PLXDC2: variants seen among roughly 807,000 people sequenced by gnomAD.
PLXDC2 encodes the protein plexin domain-containing protein 2.
PLXDC2 carries 40 observed loss-of-function variants against 68.9 expected under a neutral mutation model. The observed-to-expected ratio is 0.58, with a 90% CI of 0.45 to 0.76. The LOEUF (loss-of-function observed/expected upper bound fraction) is 0.76. Among genes scored for constraint, PLXDC2 ranks in the 30% least tolerant of loss-of-function variants. PLXDC2 has a pLI of 0.00. For synonymous variants in PLXDC2, 243 were observed against 234.2 expected, an observed-to-expected ratio of 1.04 and a Z score of -0.34; for missense variants, 644 against 661.9, an observed-to-expected ratio of 0.97 and a Z score of 0.30.
Position 19,878,855 on chromosome 10 carries a change from G to T in PLXDC2, c.112+61664G>T, listed in dbSNP as rs986041787. 1.3e-4 allele frequency among the ~76,000 whole-genome samples: 20 copies of T among 152,166 alleles called. 1 individual carries two copies. ...ACTGTGGCTTTTTCTGGGTGTCATAGTATTTTAAAATGGCTTTCGTTAGCC... is the reference window on the plus strand; with the variant it reads ...ACTGTGGCTTTTTCTGGGTGTCATATTATTTTAAAATGGCTTTCGTTAGCC... On this transcript the variant is annotated intron_variant, in intron 1 of 13. Transcript: ENST00000377252.
chr10:19,908,873 G>A (rs1374968988), intron 1 of PLXDC2, among the ~76,000 whole-genome samples: 2 of 152,078 alleles, frequency 1.3e-5, no homozygotes, highest in Admixed American at 1.3e-4. Context: ...ATGAGAAGGC[G>A]ACCTTGCTTT....
At chr10:20,000,014 A>G (rs1404633925) in intron 1 of PLXDC2, among the ~76,000 whole-genome samples, 1 of 152,166 alleles carries the variant, frequency 6.6e-6, no homozygotes, top group East Asian at 1.9e-4. Context: ...CTTGCACAGT[A>G]GTTTTTTCAT....
chr10:20,003,315 T>C (rs749818383), intron 2 of PLXDC2, among the ~76,000 whole-genome samples: 4 of 152,112 alleles, frequency 2.6e-5, no homozygotes, highest in Admixed American at 6.5e-5. Context: ...AGCAGAGATA[T>C]AAAGGCAGCT....
chr10:20,253,018 T>TA lies in PLXDC2; in HGVS notation c.1473+7521dup, dbSNP rs199602844. The stretch of plus-strand genomic sequence containing the variant: ...TATGGAGCTCTAGATACAGATTAGT[T>TA]AAAAAAAATTAAATAAAGTAAATAA... On this transcript the variant is annotated intron_variant, in intron 13 of 13. Transcript: ENST00000377252. 2.9e-3 allele frequency among the ~76,000 whole-genome samples: 442 copies of TA among 151,782 alleles called. 1 individual carries two copies. The highest frequency in any genetic ancestry group is 0.011 in the East Asian group (58 of 5,162).
intron 13 of PLXDC2, among the ~76,000 whole-genome samples, chr10:20,271,324 C>T (rs531636211): frequency 1.1e-4 from 16 of 152,134 alleles, no homozygotes; most frequent in Admixed American, 1.3e-4. Context: ...AGTTTTAAAG[C>T]GGGGAGCAGG....
intron 1 of PLXDC2, among the ~76,000 whole-genome samples, chr10:19,895,566 T>C (rs1426994044): frequency 6.6e-6 from 1 of 152,242 alleles, no homozygotes; most frequent in Non-Finnish European, 1.5e-5. Context: ...ATTCTTCATT[T>C]GAAATCACTG....
intron 1 of PLXDC2, among the ~76,000 whole-genome samples, chr10:19,915,049 A>C (rs771725888): frequency 6.6e-6 from 1 of 151,980 alleles, no homozygotes; most frequent in Non-Finnish European, 1.5e-5. Context: ...TTGATGAGTC[A>C]TTTTTTTTAA....
At position 20,217,319 on chromosome 10, in the gene PLXDC2, C is replaced by A. The variant is rs559940622; in HGVS notation, c.1123-107C>A. 13 of 958,378 alleles carry A rather than the reference C, an allele frequency of 1.4e-5. No individual in the cohort carries two copies. In the East Asian group the frequency reaches 3.5e-4, roughly 26 times the overall value. 59.4% of individuals were successfully genotyped at this position (958,378 alleles called of 1,614,324 possible). On this transcript the variant is annotated intron_variant, in intron 10 of 13. Transcript: ENST00000377252. The stretch of plus-strand genomic sequence containing the variant: ...TGTACAAAAGTAATTTATTCCTTGT[C>A]TTGATATGAGAGGCTTTTGTGCTTT...
intron 1 of PLXDC2, among the ~76,000 whole-genome samples, chr10:19,904,628 C>A (rs2131369877): frequency 6.6e-6 from 1 of 152,280 alleles, no homozygotes; most frequent in South Asian, 2.1e-4. Flanking sequence ...TAGCAGTGAT[C>A]CAGTTCCTTC....
intron 1 of PLXDC2, among the ~76,000 whole-genome samples, chr10:19,963,771 G>A (rs1381739100): frequency 6.6e-6 from 1 of 151,874 alleles, no homozygotes; most frequent in Non-Finnish European, 1.5e-5. Context: ...CACCAACATG[G>A]CACATGTATA....
At chr10:20,078,889 T>A (rs1005107634) in intron 4 of PLXDC2, among the ~76,000 whole-genome samples, 1 of 152,166 alleles carries the variant, frequency 6.6e-6, no homozygotes, top group Admixed American at 6.5e-5. Context: ...TGAAATATAT[T>A]ATTTAAATTA....
chr10:20,156,703 A>T (rs1249321015), intron 6 of PLXDC2, among the ~76,000 whole-genome samples: 1 of 152,168 alleles, frequency 6.6e-6, no homozygotes, highest in African/African-American at 2.4e-5. Flanking sequence ...TCGTTTGATG[A>T]TAGCTCACCT....
At chr10:19,820,575 A>G (rs1836446108) in intron 1 of PLXDC2, among the ~76,000 whole-genome samples, 2 of 150,804 alleles carry the variant, frequency 1.3e-5, no homozygotes, top group East Asian at 1.9e-4. Flanking sequence ...CGGAGCTTGC[A>G]GTGAGCCGAG....
At chr10:20,093,609 T>C (rs1158875643) in intron 4 of PLXDC2, among the ~76,000 whole-genome samples, 1 of 152,198 alleles carries the variant, frequency 6.6e-6, no homozygotes, top group Non-Finnish European at 1.5e-5. Flanking sequence ...AAAGTTAGTT[T>C]ATACGTAAGT....
At chr10:20,086,693 C>T (rs1833201843) in intron 4 of PLXDC2, among the ~76,000 whole-genome samples, 1 of 152,106 alleles carries the variant, frequency 6.6e-6, no homozygotes, top group African/African-American at 2.4e-5. Context: ...TCTTTTTCCT[C>T]CCCTTCGAGA....
In PLXDC2 at chr10:20,241,574, C is replaced by T. The variant is rs915177008; in HGVS notation, c.1313-3771C>T. On this transcript the variant is annotated intron_variant, in intron 12 of 13. Transcript: ENST00000377252. Reference sequence around the variant, plus strand: ...GCTGAGGCAGGAGGAATGCTTGAGCCCAGGAGTTCAAAATGAGCCTGGGCA... The same window carrying T: ...GCTGAGGCAGGAGGAATGCTTGAGCTCAGGAGTTCAAAATGAGCCTGGGCA... Among the ~76,000 whole-genome samples, 4 of 152,140 alleles carry T rather than the reference C, an allele frequency of 2.6e-5. No individual in the cohort carries two copies. The South Asian group carries it at 8.3e-4, about 32-fold the overall frequency.
chr10:19,852,306 G>A (rs1837132636), intron 1 of PLXDC2, among the ~76,000 whole-genome samples: 1 of 151,416 alleles, frequency 6.6e-6, no homozygotes, highest in Non-Finnish European at 1.5e-5. Flanking sequence ...AGGATCCCTT[G>A]AGCCTAGGAG....
At chr10:19,914,893 G>GT (rs1156398905) in intron 1 of PLXDC2, among the ~76,000 whole-genome samples, 9 of 152,110 alleles carry the variant, frequency 5.9e-5, no homozygotes, top group Admixed American at 5.9e-4. Flanking sequence ...TTGGTCTGAA[G>GT]TCTACTTTAT....
At chr10:19,960,250 G>A (rs1301760839) in intron 1 of PLXDC2, among the ~76,000 whole-genome samples, 2 of 150,552 alleles carry the variant, frequency 1.3e-5, no homozygotes, top group Non-Finnish European at 2.9e-5. Flanking sequence ...TGTATTCCCA[G>A]CTACTGGGGA....
Sources: allele counts gnomAD v4.1 joint callset (sites outside exome capture counted in the v4.1 genomes callset), GRCh38; gene constraint gnomAD v4.1.1; transcripts MANE v1.5; gene names NCBI Gene and HGNC (gene_info 2026-07-23, HGNC 2026-07-21).